The following PTPRN2 variants were observed in gnomAD, a reference collection of about 807,000 sequenced individuals.
PTPRN2 encodes receptor-type tyrosine-protein phosphatase N2.
A neutral mutation model predicts 118.8 loss-of-function variants in PTPRN2; 74 were observed. The ratio of observed to expected loss-of-function variants is 0.62; its 90% CI spans 0.52 to 0.76. The LOEUF (loss-of-function observed/expected upper bound fraction) is 0.76, where lower values mean the gene tolerates loss of function less well. Ranked by LOEUF, PTPRN2 falls within the 30% of genes least tolerant of loss-of-function variation. The pLI, the probability that PTPRN2 is intolerant of heterozygous loss-of-function variation, is 0.00. For missense variants in PTPRN2, 1,481 were observed against 1,394.4 expected (o/e 1.06, Z -0.99); for synonymous variants, 641 against 608.0 (o/e 1.05, Z -0.80).
At chr7:158,542,340 T>C (rs1349215297) in intron 1 of PTPRN2, among the ~76,000 whole-genome samples, 1 of 152,090 alleles carries the variant, frequency 6.6e-6, no homozygotes, top group Admixed American at 6.5e-5. Context: ...TTTAGTAGAG[T>C]TGGGGTTTCA....
At chr7:158,251,331 G>A (rs1483558967) in intron 3 of PTPRN2, among the ~76,000 whole-genome samples, 2 of 152,196 alleles carry the variant, frequency 1.3e-5, no homozygotes, top group African/African-American at 4.8e-5. Context: ...TTACTGCACG[G>A]ATATGATACA....
chr7:158,031,693 C>A (rs1341815033), intron 11 of PTPRN2, among the ~76,000 whole-genome samples: 1 of 151,982 alleles, frequency 6.6e-6, no homozygotes, highest in South Asian at 2.1e-4. Flanking sequence ...CAGAAGGCAT[C>A]GTAATCTTCA....
intron 3 of PTPRN2, among the ~76,000 whole-genome samples, chr7:158,280,387 C>T (rs775467869): frequency 2.6e-5 from 4 of 152,192 alleles, no homozygotes; most frequent in Non-Finnish European, 4.4e-5. Context: ...GGTCTGACAC[C>T]GGCAGGGAGG....
At chr7:157,806,103 A>G (rs1805614756) in intron 12 of PTPRN2, among the ~76,000 whole-genome samples, 1 of 152,084 alleles carries the variant, frequency 6.6e-6, no homozygotes, top group African/African-American at 2.4e-5. Flanking sequence ...TGTGTGTGTA[A>G]TATATATAAA....
intron 1 of PTPRN2, among the ~76,000 whole-genome samples, chr7:158,573,788 G>C (rs1450620072): frequency 6.6e-6 from 1 of 152,084 alleles, no homozygotes; most frequent in Non-Finnish European, 1.5e-5. Context: ...TTGATATATG[G>C]GCTAATGCTG....
At chr7:158,154,651 T>C (rs1821533677) in intron 6 of PTPRN2, among the ~76,000 whole-genome samples, 1 of 152,074 alleles carries the variant, frequency 6.6e-6, no homozygotes, top group South Asian at 2.1e-4. Flanking sequence ...ATAGGAAACA[T>C]CCACCTTCAA....
intron 2 of PTPRN2, among the ~76,000 whole-genome samples, chr7:158,473,067 C>T (rs1307269533): frequency 6.6e-6 from 1 of 151,954 alleles, no homozygotes; most frequent in Non-Finnish European, 1.5e-5. Flanking sequence ...ACGTTTGGTT[C>T]GATATTTCTG....
intron 12 of PTPRN2, 32 bp downstream of exon 12, chr7:157,898,641 G>A (rs186685862): frequency 1.1e-4 from 164 of 1,542,188 alleles, no homozygotes; most frequent in Non-Finnish European, 1.3e-4. Flanking sequence ...ACTGCAGATC[G>A]CAGAGCAGAC....
At chr7:158,175,244 G>A (rs1373910057) in intron 5 of PTPRN2, among the ~76,000 whole-genome samples, 1 of 152,204 alleles carries the variant, frequency 6.6e-6, no homozygotes, top group Admixed American at 6.5e-5. Context: ...CGTGCTTGCT[G>A]CCAGCCTGAC....
intron 11 of PTPRN2, among the ~76,000 whole-genome samples, chr7:157,931,840 A>C (rs1169464662): frequency 6.6e-6 from 1 of 152,150 alleles, no homozygotes; most frequent in African/African-American, 2.4e-5. Context: ...GAGCATGAGC[A>C]TGTGCACAAA....
chr7:158,562,189 G>A (rs1827431596), intron 1 of PTPRN2, among the ~76,000 whole-genome samples: 1 of 152,176 alleles, frequency 6.6e-6, no homozygotes, highest in Non-Finnish European at 1.5e-5. Flanking sequence ...CAGGGCACCA[G>A]GAGACTCGGC....
chr7:158,172,828 C>A (rs534765091), intron 5 of PTPRN2, among the ~76,000 whole-genome samples: 2 of 146,018 alleles, frequency 1.4e-5, no homozygotes, highest in South Asian at 4.3e-4. Context: ...CCATCCACAG[C>A]AGCATCCCCA....
rs368348563 is a variant in PTPRN2, at chr7:157,876,847, G to A, written c.1788+21826C>T. On this transcript the variant is annotated intron_variant, in intron 12 of 22. Coordinates refer to ENST00000389418, the MANE Select transcript of PTPRN2 (RefSeq NM_002847.5). ...GACAGTGCCAGCACGGGGGCATGCC[G>A]GGGGAGCCTCTGGGAGCCGCAGGAG... Among the ~76,000 whole-genome samples, 10 of 152,316 alleles carry A rather than the reference G, an allele frequency of 6.6e-5. No homozygotes were observed. The South Asian group carries it at 1.0e-3, about 16-fold the overall frequency.
intron 12 of PTPRN2, among the ~76,000 whole-genome samples, chr7:157,752,190 C>T (rs1386176903): frequency 6.6e-6 from 1 of 152,206 alleles, no homozygotes; most frequent in Non-Finnish European, 1.5e-5. Context: ...GCTGGGTTTT[C>T]TCCAGGGTGG....
intron 6 of PTPRN2, among the ~76,000 whole-genome samples, chr7:158,146,068 C>T (rs1819949152): frequency 1.9e-5 from 2 of 106,568 alleles, no homozygotes; most frequent in Admixed American, 1.0e-4. Context: ...TCTTTTCCCC[C>T]TTTCCCATCC....
chr7:158,464,096 G>A (rs113063155), intron 2 of PTPRN2, among the ~76,000 whole-genome samples: 6 of 54,862 alleles, frequency 1.1e-4, no homozygotes, highest in African/African-American at 1.4e-4. Context: ...CCTTACCATC[G>A]CCATCATTGC....
In PTPRN2 at chr7:158,503,358, T is replaced by C. The variant is rs1822512725; in HGVS notation, c.113-13573A>G. On this transcript the variant is annotated intron_variant, in intron 1 of 22. Coordinates refer to ENST00000389418, the MANE Select transcript of PTPRN2 (RefSeq NM_002847.5). ...CAGCTTCTCTCTACCCTCACAGCTG[T>C]GTACCATGTGCAGGTTTAATCAACA... Among the ~76,000 whole-genome samples the C allele has an allele frequency of 2.0e-5, 3 of 152,234 alleles. No homozygotes were observed. The South Asian group carries it at 6.2e-4, about 31-fold the overall frequency.
At position 157,785,301 on chromosome 7, in the gene PTPRN2, G is replaced by C. The variant is rs944108949; in HGVS notation, c.1789-102364C>G. Among the ~76,000 whole-genome samples the C allele has an allele frequency of 3.3e-5, 5 of 152,194 alleles. No homozygotes were observed. Among genetic ancestry groups the C allele is most frequent in the Admixed American group, 3.3e-4 (5 of 15,282 alleles). On this transcript the variant is annotated intron_variant, in intron 12 of 22. Transcript: ENST00000389418. This position sits in a 1 kb window ranked among gnomAD's most constrained non-coding sequence, Gnocchi z 7.3. ...CCAGTGGTGTAAATCCACACTCTAT[G>C]GTGACGGTGGATCCACAGCTGCCGC...
chr7:158,330,701 A>G (rs1804189024), intron 2 of PTPRN2, among the ~76,000 whole-genome samples: 1 of 115,414 alleles, frequency 8.7e-6, no homozygotes, highest in African/African-American at 2.8e-5. Flanking sequence ...ACTCACATCC[A>G]TACTCTCACC....
Sources: allele counts gnomAD v4.1 joint callset (sites outside exome capture counted in the v4.1 genomes callset), GRCh38; gene constraint gnomAD v4.1.1; non-coding constraint Gnocchi (gnomAD v3.1); transcripts MANE v1.5; gene names NCBI Gene and HGNC (gene_info 2026-07-23, HGNC 2026-07-21).